The following TECPR1 variants were observed in gnomAD, a reference collection of about 807,000 sequenced individuals.
TECPR1 encodes the protein tectonin beta-propeller repeat-containing protein 1.
A neutral mutation model predicts 162.4 loss-of-function variants in TECPR1; 122 were observed. That is an observed-to-expected ratio of 0.75 (90% confidence interval 0.65 to 0.87). The LOEUF is 0.87. TECPR1 is among the 40% of genes least tolerant of loss of function. The pLI is 0.00. For synonymous variants in TECPR1, 642 were observed against 670.6 expected, an observed-to-expected ratio of 0.96 and a Z score of 0.66; for missense variants, 1,432 against 1,618.2, an observed-to-expected ratio of 0.88 and a Z score of 1.97.
rs376010240 is a variant in TECPR1 at position 98,246,033 on chromosome 7, G to A, written c.114C>T (p.Val38=). ...CKDSQLEFKR[V]SATTQCCWGI... ...CCCAGCAGCACTGCGTGGTGGCGCT[G>A]ACGCGCTTGAACTCCAGCTGGGAGT... Residue 38 remains valine, a synonymous_variant, in exon 3 of 26, where the codon GTC becomes GTT. Transcript: ENST00000447648. 2 of 1,590,026 alleles carry A rather than the reference G, an allele frequency of 1.3e-6. No individual in the cohort carries two copies. Among genetic ancestry groups the A allele is most frequent in the Non-Finnish European group, 8.6e-7 (1 of 1,168,886 alleles).
chr7:98,229,047 CAGCCGCCTCCAT>C lies in TECPR1; in HGVS notation c.2390_2401del (p.Tyr797_Gly800del), dbSNP rs1234168013. 4.4e-6 allele frequency: 7 copies of C among 1,598,930 alleles called. No individual in the cohort carries two copies. Among genetic ancestry groups the C allele is most frequent in the Non-Finnish European group, 6.0e-6 (7 of 1,173,222 alleles). On this transcript the variant is annotated inframe_deletion, in exon 16 of 26. Transcript: ENST00000447648. ...CTGTGGGCCGCCCTCACCTTGGAAGCAGCCGCCTCCATAGCCGCCTGTGTATACCCAGGCCGT... is the reference window on the plus strand; with the variant it reads ...CTGTGGGCCGCCCTCACCTTGGAAGCAGCCGCCTGTGTATACCCAGGCCGT...
At chr7:98,219,811 G>A (rs1051603201) in intron 23 of TECPR1, among the ~76,000 whole-genome samples, 1 of 152,068 alleles carries the variant, frequency 6.6e-6, no homozygotes, top group Non-Finnish European at 1.5e-5. Flanking sequence ...TGAGGTAGGA[G>A]AATCGCTTGA....
intron 21 of TECPR1, 63 bp downstream of exon 21, chr7:98,222,927 C>T (rs1288072113): frequency 1.3e-6 from 2 of 1,581,122 alleles, no homozygotes; most frequent in Non-Finnish European, 1.7e-6. Context: ...AGGGTCTGAG[C>T]CCTGCCGGAC....
intron 4 of TECPR1, 64 bp downstream of exon 4, chr7:98,244,821 C>T: frequency 1.9e-6 from 3 of 1,598,902 alleles, no homozygotes; most frequent in East Asian, 4.5e-5. Flanking sequence ...GGGACAGAAG[C>T]AGGGACAGGC....
intron 16 of TECPR1, chr7:98,228,836 C>G (rs1380989523): frequency 1.6e-6 from 1 of 633,222 alleles, no homozygotes; most frequent in East Asian, 2.9e-5. Context: ...CTCTCTGGAA[C>G]CTTCGAGGCC....
chr7:98,222,298 G>C, intron 22 of TECPR1, 88 bp downstream of exon 22: 1 of 1,490,372 alleles, frequency 6.7e-7, no homozygotes, highest in Non-Finnish European at 9.0e-7. Flanking sequence ...CCAGCTTCTG[G>C]GGGACCCTGG....
chr7:98,226,932 CAAAAAACAAAACAA>C (rs1562935328), intron 17 of TECPR1, among the ~76,000 whole-genome samples: 1 of 149,770 alleles, frequency 6.7e-6, no homozygotes, highest in African/African-American at 2.5e-5. Flanking sequence ...GACTGTGTCT[CAAAAAACAAAACAA>C]AAAAAACAAA....
intron 3 of TECPR1, 126 bp downstream of exon 3, chr7:98,245,796 G>T: frequency 1.1e-6 from 1 of 878,176 alleles, no homozygotes; most frequent in Non-Finnish European, 1.7e-6. Context: ...TTAAGTACAA[G>T]GAAGGAAATG....
Position 98,233,550 on chromosome 7 carries a change from G to C in TECPR1, c.1543C>G (p.Leu515Val). 6.3e-7 allele frequency: 1 copy of C among 1,595,322 alleles called. No homozygotes were observed. Among genetic ancestry groups the C allele is most frequent in the South Asian group, 1.1e-5 (1 of 88,992 alleles). The change falls in exon 11 of 26, where the codon CTG (leucine) becomes GTG (valine). Residue 515 changes from leucine (L) to valine (V), a missense_variant. By Grantham distance (32) the Leu-to-Val change is conservative. Transcript: ENST00000447648. The stretch of plus-strand genomic sequence containing the variant: ...TCCAAGCCCAGTGGGAGGAGCCCCA[G>C]AGAGGAGAGGCTGGTGGTCTCGGGG... ...GFPETTSLSS[L>V]GLLPLGLEEP...
At position 98,217,693 on chromosome 7, in the gene TECPR1, C is replaced by A; in HGVS notation, c.3383G>T (p.Gly1128Val). 6.5e-7 allele frequency: 1 copy of A among 1,542,664 alleles called. No individual in the cohort carries two copies. The highest frequency in any genetic ancestry group is 1.9e-4 in the Middle Eastern group (1 of 5,278). The change falls in exon 25 of 26, where the codon GGG becomes GTG. Residue 1128 changes from glycine to valine, a missense_variant and splice_region_variant. Physicochemically the swap from Gly to Val is moderately radical, Grantham distance 109. Coordinates refer to ENST00000447648, the MANE Select transcript of TECPR1 (RefSeq NM_015395.3). The part of the protein sequence containing the change: ...PKGHGWDYGI[G>V]GGWDHISVRA... ...CCCAAGGCCGCGGGCCCCGCTCACC[C>A]CGATGCCGTAGTCCCAGCCGTGGCC... is the stretch of plus-strand genomic sequence containing the variant.
At position 98,233,678 on chromosome 7, in the gene TECPR1, G is replaced by A. The variant is rs747975693; in HGVS notation, c.1415C>T (p.Pro472Leu). Reference sequence around the variant, plus strand: ...GGGGGCCGGGCCGGGGTGCGTGTTGGGTCTGGCCTCCCTGCTGCCCTCGGC... The same window carrying A: ...GGGGGCCGGGCCGGGGTGCGTGTTGAGTCTGGCCTCCCTGCTGCCCTCGGC... ...CPAEGSREAR[P>L]NTHPGPAPTP... The change falls in exon 11 of 26, where the codon CCC (proline) becomes CTC (leucine). Residue 472 changes from proline (P) to leucine (L), a missense_variant. Physicochemically the swap from Pro to Leu is moderately conservative, Grantham distance 98. Coordinates refer to ENST00000447648, the MANE Select transcript of TECPR1 (RefSeq NM_015395.3). The A allele has an allele frequency of 6.2e-7, 1 of 1,607,146 alleles. No homozygotes were observed. The highest frequency in any genetic ancestry group is 8.5e-7 in the Non-Finnish European group (1 of 1,176,086).
In TECPR1 at chr7:98,217,321, C is replaced by A; in HGVS notation, c.*69G>T. ...ATTGCTCCCACGGTGCACACTCCAG[C>A]ACAAGAATGGCTCAGCCTTGATCCC... On this transcript the variant is annotated 3_prime_UTR_variant, in exon 26 of 26. Coordinates refer to ENST00000447648, the MANE Select transcript of TECPR1 (RefSeq NM_015395.3). 5.6e-6 allele frequency: 6 copies of A among 1,073,998 alleles called. No homozygotes were observed. Among genetic ancestry groups the A allele is most frequent in the Non-Finnish European group, 7.9e-6 (6 of 754,862 alleles). The allele number at this position is 1,073,998 out of a possible 1,614,324, so 66.5% of individuals were successfully genotyped here.
intron 17 of TECPR1, among the ~76,000 whole-genome samples, chr7:98,225,558 G>A (rs962415740): frequency 6.6e-6 from 1 of 151,798 alleles, no homozygotes; most frequent in Non-Finnish European, 1.5e-5. Context: ...AAAAGGCGGG[G>A]GGAGGGGGGA....
intron 19 of TECPR1, 34 bp downstream of exon 19, chr7:98,224,767 C>A: frequency 3.2e-6 from 5 of 1,552,830 alleles, no homozygotes; most frequent in Non-Finnish European, 4.4e-6. Flanking sequence ...CATTCAGGAC[C>A]CAGCCCGAAG....
rs1196266658 is a variant in TECPR1, at chr7:98,231,299, C to T, written c.2049G>A (p.Leu683=). The change falls in exon 14 of 26, where the codon CTG becomes CTA. Residue 683 remains leucine (L), a synonymous_variant. Coordinates refer to ENST00000447648, the MANE Select transcript of TECPR1 (RefSeq NM_015395.3). ...TCTGCCGTGTCCGCTCAGGGGTGTACAGGGCAAAGGAGTGCTTGGTCTCGT... is the reference window on the plus strand; with the variant it reads ...TCTGCCGTGTCCGCTCAGGGGTGTATAGGGCAAAGGAGTGCTTGGTCTCGT... The part of the protein sequence containing the change: ...VLNETKHSFA[L]YTPERTRQRW... 1.2e-6 allele frequency: 2 copies of T among 1,612,666 alleles called. No individual in the cohort carries two copies. The highest frequency in any genetic ancestry group is 1.1e-5 in the South Asian group (1 of 90,846).
In TECPR1 at chr7:98,231,046, AC is replaced by A. The variant is rs756755317; in HGVS notation, c.2196del (p.Trp732CysfsTer11). On this transcript the variant is annotated frameshift_variant, in exon 15 of 26. Coordinates refer to ENST00000447648, the MANE Select transcript of TECPR1 (RefSeq NM_015395.3). LOFTEE classifies it high-confidence loss of function. ...VQGRPSPQAI[W>X]SITCKGDIFV... ...AAGATGTCCCCCTTGCAGGTGATGGACCAGATGGCCTGCGGGGACGGGCGGC... is the reference window on the plus strand; with the variant it reads ...AAGATGTCCCCCTTGCAGGTGATGGACAGATGGCCTGCGGGGACGGGCGGC... 8 of 1,612,184 alleles carry A rather than the reference AC, an allele frequency of 5.0e-6. No homozygotes were observed. The highest frequency in any genetic ancestry group is 5.9e-6 in the Non-Finnish European group (7 of 1,179,488).
intron 9 of TECPR1, 64 bp downstream of exon 9, chr7:98,238,445 G>T (rs1476131488): frequency 1.5e-6 from 2 of 1,339,502 alleles, no homozygotes; most frequent in Non-Finnish European, 2.1e-6. Context: ...AGGCTATTGG[G>T]TGGCATCAGG....
At chr7:98,250,731 CA>C (rs1799042515) in intron 2 of TECPR1, among the ~76,000 whole-genome samples, 1 of 152,160 alleles carries the variant, frequency 6.6e-6, no homozygotes, top group South Asian at 2.1e-4. Flanking sequence ...ACTCAGTCTG[CA>C]GGTTGAGCTC....
chr7:98,235,805 G>A (rs866875599), intron 10 of TECPR1, among the ~76,000 whole-genome samples: 1 of 119,936 alleles, frequency 8.3e-6, no homozygotes, highest in Non-Finnish European at 1.8e-5. Context: ...ACTCCAGCCT[G>A]GATGACAGAG....
Sources: allele counts gnomAD v4.1 joint callset (sites outside exome capture counted in the v4.1 genomes callset), GRCh38; gene constraint gnomAD v4.1.1; transcripts MANE v1.5; gene names NCBI Gene and HGNC (gene_info 2026-07-23, HGNC 2026-07-21).